The following ZNF124 variants were observed in gnomAD, a reference collection of about 807,000 sequenced individuals.
ZNF124 encodes the protein zinc finger protein 124.
A neutral mutation model predicts 26.6 loss-of-function variants in ZNF124; 25 were observed. That is an observed-to-expected ratio of 0.94 (90% CI 0.68 to 1.31). The LOEUF (loss-of-function observed/expected upper bound fraction) is 1.31, where lower values mean the gene tolerates loss of function less well. Ranked by LOEUF, ZNF124 falls within the 40% of genes most tolerant of loss-of-function variation. ZNF124 has a pLI of 0.00. For synonymous variants in ZNF124, 129 were observed against 133.3 expected (o/e 0.97, Z 0.22); for missense variants, 444 against 422.2 (o/e 1.05, Z -0.45).
At chr1:247,146,126 TGAAGTTCA>T (rs1182476580) in intron 3 of ZNF124, among the ~76,000 whole-genome samples, 1 of 152,224 alleles carries the variant, frequency 6.6e-6, no homozygotes, top group Admixed American at 6.5e-5. Flanking sequence ...TGGCTGACAC[TGAAGTTCA>T]GAAGCCACCA....
rs145566329 is a variant in ZNF124 at position 247,160,338 on chromosome 1, C to T, written c.31-525G>A. On this transcript the variant is annotated intron_variant, in intron 1 of 3. Coordinates refer to ENST00000543802, the MANE Select transcript of ZNF124 (RefSeq NM_001297568.2). ...CAGCAAGGCAGCAGCAGAGAAGGAACACCCTTCTTGTTGGTGGGTCCAGGG... is the reference window on the plus strand; with the variant it reads ...CAGCAAGGCAGCAGCAGAGAAGGAATACCCTTCTTGTTGGTGGGTCCAGGG... Among the ~76,000 whole-genome samples the T allele has an allele frequency of 2.7e-3, 406 of 152,324 alleles. 2 individuals carry two copies. The highest frequency in any genetic ancestry group is 2.1e-3 in the Non-Finnish European group (144 of 68,034).
At chr1:247,148,595 CAA>C (rs1169151094) in intron 3 of ZNF124, among the ~76,000 whole-genome samples, 3 of 152,176 alleles carry the variant, frequency 2.0e-5, no homozygotes, top group African/African-American at 7.2e-5. Flanking sequence ...CAGGGATGAT[CAA>C]AGAGACCCAA....
At chr1:247,169,719 C>T (rs973055208) in intron 1 of ZNF124, among the ~76,000 whole-genome samples, 2 of 147,742 alleles carry the variant, frequency 1.4e-5, no homozygotes, top group African/African-American at 5.1e-5. Flanking sequence ...TGAGACAATC[C>T]AGAGGGCAGA....
chr1:247,156,697 C>T lies in ZNF124; in HGVS notation c.925G>A (p.Glu309Lys). The T allele has an allele frequency of 1.2e-6, 2 of 1,613,768 alleles. No homozygotes were observed. Among genetic ancestry groups the T allele is most frequent in the African/African-American group, 1.3e-5 (1 of 75,006 alleles). Residue 309 changes from glutamate (E) to lysine (K), a missense_variant, in exon 4 of 4, where the codon GAA (glutamate) becomes AAA (lysine). Coordinates refer to ENST00000543802, the MANE Select transcript of ZNF124 (RefSeq NM_001297568.2). ...FRCSSSLRDHERTHTGEKPYE... is the reference protein window; with the variant it reads ...FRCSSSLRDHKRTHTGEKPYE... Reference sequence around the variant, plus strand: ...GGTTTCTCTCCAGTATGAGTCCTTTCATGGTCACGAAGGGAACTGGAACAT... The same window carrying T: ...GGTTTCTCTCCAGTATGAGTCCTTTTATGGTCACGAAGGGAACTGGAACAT...
At chr1:247,140,804 G>A (rs1347300534) in intron 3 of ZNF124, among the ~76,000 whole-genome samples, 1 of 152,176 alleles carries the variant, frequency 6.6e-6, no homozygotes, top group Non-Finnish European at 1.5e-5. Context: ...TGGTTAGTTG[G>A]TAGGCTCTTG....
intron 1 of ZNF124, among the ~76,000 whole-genome samples, chr1:247,164,454 C>T (rs866735940): frequency 3.3e-5 from 5 of 152,020 alleles, no homozygotes; most frequent in South Asian, 2.1e-4. Flanking sequence ...TTTCTATACA[C>T]GAATAATATC....
At position 247,155,509 on chromosome 1, in the gene ZNF124, G is replaced by C. The variant is rs1216496330; in HGVS notation, c.*1057C>G. Among the ~76,000 whole-genome samples the C allele has an allele frequency of 6.6e-6, 1 of 152,100 alleles. No individual in the cohort carries two copies. Among genetic ancestry groups the C allele is most frequent in the Non-Finnish European group, 1.5e-5 (1 of 68,024 alleles). On this transcript the variant is annotated 3_prime_UTR_variant, in exon 4 of 4. Coordinates refer to ENST00000543802, the MANE Select transcript of ZNF124 (RefSeq NM_001297568.2). ...GTAGAAAAAGGAAATTTATTTACCA[G>C]CTTAAAAAAGAAGAATACATATTTA...
exon 4 of ZNF124, chr1:247,122,442 A>C (rs980979348): frequency 2.6e-5 from 4 of 152,550 alleles, no homozygotes; most frequent in African/African-American, 9.6e-5. Flanking sequence ...AATAGCAAAG[A>C]CATGGATTCA....
intron 1 of ZNF124, among the ~76,000 whole-genome samples, chr1:247,167,311 A>G (rs1433936121): frequency 6.6e-6 from 1 of 152,148 alleles, no homozygotes; most frequent in Non-Finnish European, 1.5e-5. Flanking sequence ...GTTGCTGTAC[A>G]GATTTAGCAT....
chr1:247,147,389 G>C (rs573844659), intron 3 of ZNF124, among the ~76,000 whole-genome samples: 1 of 151,826 alleles, frequency 6.6e-6, no homozygotes, highest in African/African-American at 2.4e-5. Context: ...ACCATGCCTG[G>C]CTAATTTTTG....
downstream of ZNF124, among the ~76,000 whole-genome samples, chr1:247,153,070 T>G (rs1572077188): frequency 6.6e-6 from 1 of 151,094 alleles, no homozygotes; most frequent in South Asian, 2.1e-4. Flanking sequence ...GAGGTGGAGG[T>G]TGCAGTAAGC....
chr1:247,152,090 A>G (rs1320762399), downstream of ZNF124, among the ~76,000 whole-genome samples: 5 of 149,844 alleles, frequency 3.3e-5, no homozygotes, highest in Admixed American at 3.3e-4. Context: ...GCCTCAGACA[A>G]AACTGTCCCC....
chr1:247,145,235 C>T (rs1432169959), intron 3 of ZNF124, among the ~76,000 whole-genome samples: 1 of 152,072 alleles, frequency 6.6e-6, no homozygotes, highest in African/African-American at 2.4e-5. Flanking sequence ...ACATATGGAT[C>T]AGGAGAAGGA....
chr1:247,130,148 A>G (rs1672299842), intron 3 of ZNF124, among the ~76,000 whole-genome samples: 1 of 152,222 alleles, frequency 6.6e-6, no homozygotes, highest in African/African-American at 2.4e-5. Flanking sequence ...TGAAAAATAC[A>G]TTTTATCAGT....
intron 3 of ZNF124, among the ~76,000 whole-genome samples, chr1:247,142,664 A>T (rs1473541038): frequency 2.0e-5 from 3 of 152,072 alleles, no homozygotes; most frequent in Non-Finnish European, 4.4e-5. Flanking sequence ...TCACCATGCC[A>T]TTGTTTTTAC....
intron 3 of ZNF124, among the ~76,000 whole-genome samples, chr1:247,139,403 A>C (rs768330891): frequency 1.3e-5 from 2 of 152,226 alleles, no homozygotes; most frequent in Non-Finnish European, 2.9e-5. Context: ...AGGTCACTGC[A>C]TGGGTCTCTT....
intron 3 of ZNF124, among the ~76,000 whole-genome samples, chr1:247,125,380 G>A (rs915178368): frequency 4.7e-5 from 7 of 149,842 alleles, no homozygotes; most frequent in African/African-American, 1.5e-4. Flanking sequence ...CCCACCAGCA[G>A]GGTGTGAGGG....
chr1:247,170,842 G>A (rs2103144153), intron 1 of ZNF124, among the ~76,000 whole-genome samples: 1 of 132,862 alleles, frequency 7.5e-6, no homozygotes, highest in East Asian at 2.2e-4. Flanking sequence ...AACACAACCG[G>A]TCAGGTCAAG....
At chr1:247,123,442 G>A (rs989993568) in exon 4 of ZNF124, 15 of 156,688 alleles carry the variant, frequency 9.6e-5, no homozygotes, top group East Asian at 9.1e-4. Flanking sequence ...TGATCTGCCC[G>A]CCTCGGCCTC....
Sources: gnomAD v4.1 joint callset for allele counts (sites outside exome capture counted in the v4.1 genomes callset) on GRCh38, gnomAD v4.1.1 for gene constraint, MANE v1.5 for transcripts, NCBI Gene and HGNC (gene_info 2026-07-23, HGNC 2026-07-21) for gene names.